LMBR1: variants seen among roughly 807,000 people sequenced by gnomAD.
LMBR1 encodes the protein limb development membrane protein 1, also known as limb region 1 protein homolog.
Under a neutral mutation model 73.9 loss-of-function variants are expected in LMBR1, and 52 were observed. The observed-to-expected ratio is 0.70, with a 90% CI of 0.56 to 0.89. The LOEUF is 0.89. Among genes scored for constraint, LMBR1 ranks in the 40% least tolerant of loss-of-function variants. LMBR1 has a pLI of 0.00. For missense variants in LMBR1, 539 were observed against 579.8 expected, an observed-to-expected ratio of 0.93 and a Z score of 0.72; for synonymous variants, 215 against 209.4, an observed-to-expected ratio of 1.03 and a Z score of -0.23.
intron 3 of LMBR1, 81 bp from the exon 4 acceptor site, chr7:156,826,825 T>C: frequency 7.8e-7 from 1 of 1,282,962 alleles, no homozygotes; most frequent in African/African-American, 1.5e-5. Context: ...TGCAAACTCT[T>C]TAATGTTTTA....
At chr7:156,745,624 C>A (rs1041908412) in intron 9 of LMBR1, among the ~76,000 whole-genome samples, 1 of 152,230 alleles carries the variant, frequency 6.6e-6, no homozygotes, top group Non-Finnish European at 1.5e-5. Flanking sequence ...CAAGATCAGA[C>A]AAACCTTTGC....
At chr7:156,725,907 T>TTATGACAACTG in intron 12 of LMBR1, 70 bp from the exon 13 acceptor site, 1 of 1,157,320 alleles carries the variant, frequency 8.6e-7, no homozygotes. Flanking sequence ...AAACAGCTGT[T>TTATGACAACTG]TCATAAAATA....
intron 4 of LMBR1, among the ~76,000 whole-genome samples, chr7:156,800,058 A>G (rs906542186): frequency 3.3e-5 from 5 of 152,214 alleles, no homozygotes; most frequent in African/African-American, 1.2e-4. Flanking sequence ...CCATAACATA[A>G]AAGTGCAAGG....
chr7:156,807,736 G>T (rs1427711240), intron 4 of LMBR1, among the ~76,000 whole-genome samples: 1 of 151,988 alleles, frequency 6.6e-6, no homozygotes, highest in African/African-American at 2.4e-5. Flanking sequence ...TTTTTCTGTT[G>T]TAATACAGGT....
chr7:156,835,063 C>T (rs1219161703), intron 2 of LMBR1, among the ~76,000 whole-genome samples: 2 of 152,116 alleles, frequency 1.3e-5, no homozygotes, highest in African/African-American at 4.8e-5. Flanking sequence ...TCACCTGAAC[C>T]CAGGAGGCAG....
At chr7:156,696,099 A>G (rs1279053721) in intron 15 of LMBR1, among the ~76,000 whole-genome samples, 1 of 152,244 alleles carries the variant, frequency 6.6e-6, no homozygotes, top group African/African-American at 2.4e-5. Flanking sequence ...AACTAAATGT[A>G]TAAAACTTCT....
intron 5 of LMBR1, among the ~76,000 whole-genome samples, chr7:156,767,470 G>A (rs1824303358): frequency 6.6e-6 from 1 of 151,918 alleles, no homozygotes; most frequent in Non-Finnish European, 1.5e-5. Context: ...GAGAAAAAAA[G>A]AGTTAAAGAA....
At chr7:156,728,902 A>G (rs1816302042) in intron 10 of LMBR1, among the ~76,000 whole-genome samples, 182 bp from the exon 11 acceptor site, 2 of 152,154 alleles carry the variant, frequency 1.3e-5, no homozygotes, top group African/African-American at 4.8e-5. Flanking sequence ...CTAGAGCACA[A>G]TGGTATAGCC....
At chr7:156,830,194 T>G (rs1284467018) in intron 3 of LMBR1, among the ~76,000 whole-genome samples, 1 of 152,206 alleles carries the variant, frequency 6.6e-6, no homozygotes, top group Non-Finnish European at 1.5e-5. Flanking sequence ...AATCTCAGAC[T>G]CAATGTGACA....
chr7:156,859,335 T>C (rs1471379030), intron 1 of LMBR1, among the ~76,000 whole-genome samples: 1 of 151,250 alleles, frequency 6.6e-6, no homozygotes, highest in Non-Finnish European at 1.5e-5. Flanking sequence ...TTCCGTATCA[T>C]ACTGGAAGTC....
intron 16 of LMBR1, among the ~76,000 whole-genome samples, chr7:156,686,546 C>A (rs372586107): frequency 6.6e-6 from 1 of 152,252 alleles, no homozygotes; most frequent in East Asian, 1.9e-4. Context: ...TACTGAAAAA[C>A]ACTGGGGAAG....
intron 5 of LMBR1, among the ~76,000 whole-genome samples, chr7:156,779,330 T>C (rs1313437574): frequency 1.3e-5 from 2 of 152,198 alleles, no homozygotes; most frequent in African/African-American, 4.8e-5. Flanking sequence ...AGTCAGTATA[T>C]TAGAAACACC....
At chr7:156,827,619 G>C (rs1835921902) in intron 3 of LMBR1, among the ~76,000 whole-genome samples, 2 of 151,610 alleles carry the variant, frequency 1.3e-5, no homozygotes, top group Non-Finnish European at 2.9e-5. Flanking sequence ...AAGGAAAAAA[G>C]AACTTCACTA....
intron 4 of LMBR1, among the ~76,000 whole-genome samples, chr7:156,825,541 A>T (rs887333816): frequency 6.6e-6 from 1 of 152,196 alleles, no homozygotes. Context: ...CCAACTATGT[A>T]CTCACAAAAA....
intron 2 of LMBR1, among the ~76,000 whole-genome samples, chr7:156,836,017 G>A (rs960288363): frequency 2.0e-5 from 3 of 152,100 alleles, no homozygotes; most frequent in Admixed American, 2.0e-4. Flanking sequence ...AATTTTTAGA[G>A]GTTATGGAAT....
At chr7:156,857,392 C>G (rs557704818) in intron 1 of LMBR1, among the ~76,000 whole-genome samples, 1 of 152,204 alleles carries the variant, frequency 6.6e-6, no homozygotes, top group Non-Finnish European at 1.5e-5. Context: ...CAAAGAACAG[C>G]AATACATAGT....
At chr7:156,817,875 TCAACAAA>T (rs1834175307) in intron 4 of LMBR1, among the ~76,000 whole-genome samples, 1 of 152,142 alleles carries the variant, frequency 6.6e-6, no homozygotes, top group East Asian at 1.9e-4. Flanking sequence ...TCTCTGTATA[TCAACAAA>T]TACCTACATT....
At chr7:156,714,825 C>A (rs1254338358) in intron 15 of LMBR1, among the ~76,000 whole-genome samples, 3 of 152,152 alleles carry the variant, frequency 2.0e-5, no homozygotes, top group African/African-American at 7.2e-5. Context: ...CAAATGCAAA[C>A]ACATAAAGAC....
Position 156,847,526 on chromosome 7 carries a change from T to C in LMBR1, c.67-10641A>G, listed in dbSNP as rs537924608. 5.3e-5 allele frequency among the ~76,000 whole-genome samples: 8 copies of C among 152,286 alleles called. No homozygotes were observed. In the South Asian group the frequency reaches 1.7e-3, roughly 32 times the overall value. ...AGAATCACAGGCTGGGAGAAAATAT[T>C]TGCAAAAGACTCCTCTGATAAAGGA... On this transcript the variant is annotated intron_variant, in intron 1 of 16. Transcript: ENST00000353442.
Sources: allele counts gnomAD v4.1 joint callset (sites outside exome capture counted in the v4.1 genomes callset), GRCh38; gene constraint gnomAD v4.1.1; transcripts MANE v1.5; gene names NCBI Gene and HGNC (gene_info 2026-07-23, HGNC 2026-07-21).